The following PKNOX2 variants were observed in gnomAD, a reference collection of about 807,000 sequenced individuals.
PKNOX2 encodes the protein homeobox protein PKNOX2.
In PKNOX2, 14 loss-of-function variants were observed where a neutral mutation model predicts 53.1. That is an observed-to-expected ratio of 0.26 (90% CI 0.17 to 0.41). The LOEUF is 0.41. Among genes scored for constraint, PKNOX2 ranks in the 10% least tolerant of loss-of-function variants. The pLI is 1.00. For missense variants in PKNOX2, 496 were observed against 602.8 expected, an observed-to-expected ratio of 0.82 and a Z score of 1.85; for synonymous variants, 257 against 242.8, an observed-to-expected ratio of 1.06 and a Z score of -0.54.
At chr11:125,222,692 GTGTA>G (rs1392559169) in intron 1 of PKNOX2, among the ~76,000 whole-genome samples, 15 of 149,974 alleles carry the variant, frequency 1.0e-4, no homozygotes, top group East Asian at 5.9e-4. Flanking sequence ...GCGTATGTGT[GTGTA>G]TGTGTGTGTG....
intron 3 of PKNOX2, among the ~76,000 whole-genome samples, chr11:125,335,150 T>C (rs1479209654): frequency 2.1e-4 from 32 of 152,320 alleles, no homozygotes; most frequent in Non-Finnish European, 4.4e-5. Flanking sequence ...AAGGGCGATG[T>C]GGTCTGATTT....
At chr11:125,381,048 G>T (rs903896584) in intron 5 of PKNOX2, among the ~76,000 whole-genome samples, 1 of 152,214 alleles carries the variant, frequency 6.6e-6, no homozygotes, top group Non-Finnish European at 1.5e-5. Context: ...CGGAGTCGCT[G>T]AGAAATGGAG....
At chr11:125,245,086 T>C (rs1943456093) in intron 2 of PKNOX2, among the ~76,000 whole-genome samples, 1 of 152,188 alleles carries the variant, frequency 6.6e-6, no homozygotes, top group African/African-American at 2.4e-5. Context: ...AAGTGACCCA[T>C]CTGGGACTCT....
intron 1 of PKNOX2, among the ~76,000 whole-genome samples, chr11:125,222,833 A>G (rs1388633714): frequency 3.3e-5 from 5 of 151,434 alleles, no homozygotes; most frequent in Non-Finnish European, 5.9e-5. Context: ...GTTGCATCGA[A>G]AGGTGTCTCT....
chr11:125,352,520 T>C lies in PKNOX2; in HGVS notation c.87+1128T>C, dbSNP rs778504688. Reference sequence around the variant, plus strand: ...GTGCAGCATGAAAGGGGTCTTAAGATGCAGATGCCAGGCTTGTGCTCACTA... The same window carrying C: ...GTGCAGCATGAAAGGGGTCTTAAGACGCAGATGCCAGGCTTGTGCTCACTA... On this transcript the variant is annotated intron_variant, in intron 4 of 12. Coordinates refer to ENST00000298282, the MANE Select transcript of PKNOX2 (RefSeq NM_001382323.2). This position sits in a 1 kb window ranked among gnomAD's most constrained non-coding sequence, Gnocchi z 4.1. 6.6e-6 allele frequency among the ~76,000 whole-genome samples: 1 copy of C among 152,200 alleles called. No homozygotes were observed. Among genetic ancestry groups the C allele is most frequent in the Non-Finnish European group, 1.5e-5 (1 of 68,028 alleles).
At chr11:125,428,869 C>A (rs1253555631) in intron 10 of PKNOX2, 143 bp from the exon 11 acceptor site, 5 of 751,444 alleles carry the variant, frequency 6.7e-6, no homozygotes, top group Non-Finnish European at 1.1e-5. Flanking sequence ...CTGTGGGGAG[C>A]AAACATGACA....
intron 2 of PKNOX2, among the ~76,000 whole-genome samples, chr11:125,311,382 C>T (rs1450995741): frequency 6.6e-6 from 1 of 152,110 alleles, no homozygotes; most frequent in Non-Finnish European, 1.5e-5. Flanking sequence ...GCGAGCGATA[C>T]AAAAGGGAAC....
intron 5 of PKNOX2, among the ~76,000 whole-genome samples, chr11:125,368,701 G>A (rs749636696): frequency 2.0e-5 from 3 of 152,236 alleles, no homozygotes; most frequent in Non-Finnish European, 2.9e-5. Flanking sequence ...CCAGGGCTGA[G>A]TCTTGAATGT....
chr11:125,171,119 C>T (rs1429417056), intron 1 of PKNOX2, among the ~76,000 whole-genome samples: 1 of 152,152 alleles, frequency 6.6e-6, no homozygotes, highest in Non-Finnish European at 1.5e-5. Flanking sequence ...ACTCACATCG[C>T]CATCCCAAAT....
At chr11:125,189,853 T>C (rs1956764576) in intron 1 of PKNOX2, 1 of 152,120 alleles carries the variant, frequency 6.6e-6, no homozygotes. Context: ...ATAATAACTA[T>C]ACATCCCTGC....
intron 2 of PKNOX2, among the ~76,000 whole-genome samples, chr11:125,298,394 G>T (rs530324347): frequency 6.6e-4 from 101 of 152,312 alleles, no homozygotes; most frequent in Middle Eastern, 3.4e-3. Context: ...AGGTTTGCAG[G>T]AGGCTTACCT....
rs184204572 is a variant in PKNOX2 at position 125,225,149 on chromosome 11, C to T, written c.-200-9896C>T. Among the ~76,000 whole-genome samples the T allele has an allele frequency of 1.1e-4, 16 of 152,318 alleles. No individual in the cohort carries two copies. In the East Asian group the frequency reaches 3.1e-3, roughly 29 times the overall value. On this transcript the variant is annotated intron_variant, in intron 1 of 12. Transcript: ENST00000298282. ...TCAACATGCCCCTGTCTGGATGTGC[C>T]TGCCCCAAAGGGGAGTGAATAGAAG...
At chr11:125,380,114 G>C (rs1277831181) in intron 5 of PKNOX2, among the ~76,000 whole-genome samples, 1 of 152,176 alleles carries the variant, frequency 6.6e-6, no homozygotes, top group African/African-American at 2.4e-5. Context: ...CCTCCTGCCT[G>C]CCTGTGTCCG....
At chr11:125,412,153 T>C (rs529272565) in intron 10 of PKNOX2, among the ~76,000 whole-genome samples, 1 of 152,284 alleles carries the variant, frequency 6.6e-6, no homozygotes, top group East Asian at 1.9e-4. Flanking sequence ...GCTGGGCAGG[T>C]GTGTCACACT....
chr11:125,283,135 C>A (rs1375210765), intron 2 of PKNOX2, among the ~76,000 whole-genome samples: 4 of 151,806 alleles, frequency 2.6e-5, no homozygotes, highest in Admixed American at 2.6e-4. Context: ...CTGGGCAACA[C>A]AAGGAGACTC....
chr11:125,411,492 CT>C (rs1565519866), intron 9 of PKNOX2: 19 of 450,684 alleles, frequency 4.2e-5, no homozygotes, highest in African/African-American at 1.9e-4. Flanking sequence ...CTCTCTCTCT[CT>C]CTCTCTCTCT....
intron 2 of PKNOX2, among the ~76,000 whole-genome samples, chr11:125,329,966 T>G (rs1468363119): frequency 6.6e-6 from 1 of 152,132 alleles, no homozygotes; most frequent in Non-Finnish European, 1.5e-5. Context: ...CCATCACAGG[T>G]GTGAGGCACT....
At chr11:125,271,548 G>A (rs1454276151) in intron 2 of PKNOX2, among the ~76,000 whole-genome samples, 1 of 152,208 alleles carries the variant, frequency 6.6e-6, no homozygotes, top group African/African-American at 2.4e-5. Flanking sequence ...TTCAGTATTT[G>A]CCATGCTGGC....
intron 2 of PKNOX2, among the ~76,000 whole-genome samples, chr11:125,236,669 C>T (rs34361497): frequency 0.16 from 23,596 of 152,170 alleles, 1,902 homozygotes; most frequent in African/African-American, 0.17. Context: ...CAGGTTTCTT[C>T]AGGTCCCAGG....
Sources: gnomAD v4.1 joint callset for allele counts (sites outside exome capture counted in the v4.1 genomes callset) on GRCh38, gnomAD v4.1.1 for gene constraint, Gnocchi (gnomAD v3.1) non-coding constraint, MANE v1.5 for transcripts, NCBI Gene and HGNC (gene_info 2026-07-23, HGNC 2026-07-21) for gene names.